HPGDS: variants seen among roughly 807,000 people sequenced by gnomAD.
The protein encoded by HPGDS is GST class-sigma.
A neutral mutation model predicts 23.1 loss-of-function variants in HPGDS; 26 were observed. The observed-to-expected ratio is 1.13, with a 90% CI of 0.83 to 1.56. The LOEUF (loss-of-function observed/expected upper bound fraction) is 1.56, where lower values mean the gene tolerates loss of function less well. HPGDS is among the 40% of genes most tolerant of loss of function. HPGDS has a pLI of 0.00. For synonymous variants in HPGDS, 95 were observed against 77.9 expected, an observed-to-expected ratio of 1.22 and a Z score of -1.16; for missense variants, 268 against 236.4, an observed-to-expected ratio of 1.13 and a Z score of -0.88.
intron 3 of HPGDS, among the ~76,000 whole-genome samples, chr4:94,315,481 G>A (rs1180011963): frequency 6.6e-6 from 1 of 152,134 alleles, no homozygotes; most frequent in Non-Finnish European, 1.5e-5. Context: ...TTAAATAATA[G>A]AGGGTTTTTT....
At chr4:94,324,657 G>C (rs189034006) in intron 2 of HPGDS, among the ~76,000 whole-genome samples, 1 of 151,892 alleles carries the variant, frequency 6.6e-6, no homozygotes, top group Admixed American at 6.6e-5. Context: ...TTAACCATTC[G>C]TCTAATCTTT....
chr4:94,319,072 G>A (rs1308178931), intron 2 of HPGDS, among the ~76,000 whole-genome samples: 1 of 152,146 alleles, frequency 6.6e-6, no homozygotes, highest in African/African-American at 2.4e-5. Context: ...CGCAGATTCA[G>A]CCCAATGTTT....
chr4:94,312,253 C>T (rs933490537), intron 3 of HPGDS, among the ~76,000 whole-genome samples: 6 of 152,022 alleles, frequency 3.9e-5, no homozygotes, highest in Admixed American at 1.3e-4. Flanking sequence ...TTAGATCTTT[C>T]CTGCTTTCTC....
At chr4:94,333,767 A>G (rs896290359) in intron 2 of HPGDS, among the ~76,000 whole-genome samples, 1 of 152,232 alleles carries the variant, frequency 6.6e-6, no homozygotes, top group African/African-American at 2.4e-5. Context: ...AACAGGCAAA[A>G]TTTATTACAT....
At chr4:94,317,335 C>T (rs1021688846) in intron 3 of HPGDS, among the ~76,000 whole-genome samples, 2 of 152,186 alleles carry the variant, frequency 1.3e-5, no homozygotes, top group Non-Finnish European at 2.9e-5. Context: ...TCTATTGTTT[C>T]TCTTCCAATA....
At chr4:94,313,856 T>C (rs1756334927) in intron 3 of HPGDS, among the ~76,000 whole-genome samples, 2 of 152,218 alleles carry the variant, frequency 1.3e-5, no homozygotes. Flanking sequence ...CTTTTTTCTC[T>C]AAACTTCTCT....
rs887315971 is a variant in HPGDS at position 94,320,632 on chromosome 4, G to A, written c.134-2667C>T. Among the ~76,000 whole-genome samples the A allele has an allele frequency of 1.2e-4, 18 of 152,204 alleles. No individual in the cohort carries two copies. The South Asian group carries it at 2.9e-3, about 25-fold the overall frequency. On this transcript the variant is annotated intron_variant, in intron 2 of 5. Transcript: ENST00000295256. ...TTGTTTGATTTTTTCTTGTAAATTT[G>A]TTTAAGTTCTTTGTAGATTCTGGAT...
intron 2 of HPGDS, among the ~76,000 whole-genome samples, chr4:94,327,621 G>A (rs1368796871): frequency 6.6e-6 from 1 of 152,188 alleles, no homozygotes; most frequent in East Asian, 1.9e-4. Flanking sequence ...ACTAGAGAAG[G>A]TATGGTTGCT....
intron 4 of HPGDS, among the ~76,000 whole-genome samples, chr4:94,306,212 G>C (rs1756135885): frequency 2.0e-5 from 3 of 151,972 alleles, no homozygotes; most frequent in Non-Finnish European, 2.9e-5. Flanking sequence ...CAACAAACAA[G>C]TAATCACACA....
intron 1 of HPGDS, among the ~76,000 whole-genome samples, chr4:94,340,305 CTTTCTCTTTTTTTTTTTTTTTTT>C (rs1721121242): frequency 2.3e-4 from 6 of 26,226 alleles, no homozygotes; most frequent in Admixed American, 6.2e-4. Flanking sequence ...TTCTTTCTTT[CTTTCTCTTTTTTTTTTTTTTTTT>C]TTTTTTTTTT....
intron 4 of HPGDS, among the ~76,000 whole-genome samples, chr4:94,305,441 C>T (rs969477702): frequency 3.3e-5 from 5 of 151,860 alleles, no homozygotes; most frequent in Admixed American, 6.6e-5. Context: ...CTTTTGTGTC[C>T]GGATATCTCT....
chr4:94,334,694 A>G (rs1377061375), intron 1 of HPGDS, 56 bp from the exon 2 acceptor site: 56 of 1,480,166 alleles, frequency 3.8e-5, no homozygotes, highest in Non-Finnish European at 4.9e-5. Flanking sequence ...ATGCCTCAAT[A>G]TTTTTCTTCA....
In HPGDS at chr4:94,302,215, A is replaced by G; in HGVS notation, c.366T>C (p.Tyr122=). The G allele has an allele frequency of 6.2e-7, 1 of 1,612,454 alleles. No individual in the cohort carries two copies. The highest frequency in any genetic ancestry group is 8.5e-7 in the Non-Finnish European group (1 of 1,178,856). The change falls in exon 5 of 6, where the codon TAT becomes TAC. Residue 122 remains tyrosine (Y), a synonymous_variant. Transcript: ENST00000295256. ...AGTCTTGCATAAGATGAGGCGCATT[A>G]TACGTGAGCAGCTCATTGAACATCT... ...KEQMFNELLT[Y]NAPHLMQDLD...
At chr4:94,332,954 T>C (rs1756760386) in intron 2 of HPGDS, among the ~76,000 whole-genome samples, 3 of 152,224 alleles carry the variant, frequency 2.0e-5, no homozygotes, top group African/African-American at 7.2e-5. Flanking sequence ...TTGGCCCTTT[T>C]TTAAAGTACT....
In HPGDS at chr4:94,334,586, G is replaced by C; in HGVS notation, c.44C>G (p.Ala15Gly). 2 of 1,612,994 alleles carry C rather than the reference G, an allele frequency of 1.2e-6. No individual in the cohort carries two copies. The highest frequency in any genetic ancestry group is 1.7e-6 in the Non-Finnish European group (2 of 1,179,352). The part of the protein sequence containing the change: ...KLTYFNMRGR[A>G]EIIRYIFAYL... ...AGCAAATATGTAACGAATAATTTCT[G>C]CTCTCCCCCTCATATTAAAATAAGT... The change falls in exon 2 of 6, where the codon GCA becomes GGA. Residue 15 changes from alanine to glycine, a missense_variant. By Grantham distance (60) the Ala-to-Gly change is moderately conservative. Coordinates refer to ENST00000295256, the MANE Select transcript of HPGDS (RefSeq NM_014485.3).
At chr4:94,313,725 C>G (rs1187518324) in intron 3 of HPGDS, among the ~76,000 whole-genome samples, 7 of 152,316 alleles carry the variant, frequency 4.6e-5, no homozygotes, top group South Asian at 2.1e-4. Flanking sequence ...TAATATCCTG[C>G]AGAGTGTTTT....
At chr4:94,314,752 G>A (rs189017876) in intron 3 of HPGDS, among the ~76,000 whole-genome samples, 1 of 152,312 alleles carries the variant, frequency 6.6e-6, no homozygotes, top group Non-Finnish European at 1.5e-5. Context: ...GTCTACGGAG[G>A]CAGGCAGGCC....
At chr4:94,302,081 TTTTATACTTC>T in intron 5 of HPGDS, 55 bp downstream of exon 5, 2 of 1,249,618 alleles carry the variant, frequency 1.6e-6, no homozygotes, top group Admixed American at 3.6e-5. Flanking sequence ...TTCAGTAAGT[TTTTATACTTC>T]TATTGGTTTG....
chr4:94,321,391 A>G (rs1007838110), intron 2 of HPGDS, among the ~76,000 whole-genome samples: 4 of 152,194 alleles, frequency 2.6e-5, no homozygotes, highest in Non-Finnish European at 5.9e-5. Flanking sequence ...CTTCCTACCC[A>G]TGAGCATGGA....
Sources: allele counts gnomAD v4.1 joint callset (sites outside exome capture counted in the v4.1 genomes callset), GRCh38; gene constraint gnomAD v4.1.1; transcripts MANE v1.5; gene names NCBI Gene and HGNC (gene_info 2026-07-23, HGNC 2026-07-21).